Variants in PCSK7 observed in about 807,000 individuals in gnomAD.
The protein encoded by PCSK7 is lymphoma proprotein convertase.
PCSK7 carries 38 observed loss-of-function variants against 73.3 expected under a neutral mutation model. The ratio of observed to expected loss-of-function variants is 0.52; its 90% CI spans 0.40 to 0.68. The LOEUF is 0.68. Ranked by LOEUF, PCSK7 falls within the 30% of genes least tolerant of loss-of-function variation. PCSK7 has a pLI of 0.00. For missense variants in PCSK7, 692 were observed against 991.5 expected, an observed-to-expected ratio of 0.70 and a Z score of 4.06; for synonymous variants, 296 against 383.8, an observed-to-expected ratio of 0.77 and a Z score of 2.68.
chr11:117,231,394 ATT>A (rs1202709030), intron 1 of PCSK7, among the ~76,000 whole-genome samples: 1 of 152,010 alleles, frequency 6.6e-6, no homozygotes. Context: ...GGGAGCCTCA[ATT>A]CTCCCAAGAT....
At chr11:117,221,503 C>T (rs2032188418) in intron 9 of PCSK7, 1 of 152,272 alleles carries the variant, frequency 6.6e-6, no homozygotes, top group Non-Finnish European at 1.5e-5. Flanking sequence ...CATATGCCCC[C>T]AGCCTCTGCC....
intron 1 of PCSK7, among the ~76,000 whole-genome samples, chr11:117,230,936 A>C (rs1000348462): frequency 1.3e-5 from 2 of 152,200 alleles, no homozygotes; most frequent in East Asian, 3.9e-4. Context: ...AGAGAACCTC[A>C]CTAAGCAGCT....
chr11:117,206,906 A>G (rs535990820), intron 15 of PCSK7, 108 bp from the exon 16 acceptor site: 1 of 770,558 alleles, frequency 1.3e-6, no homozygotes, highest in Non-Finnish European at 2.3e-6. Flanking sequence ...GCCCCACAGC[A>G]AAAAGGAGAG....
chr11:117,216,001 C>T (rs1436071290), intron 12 of PCSK7: 1 of 152,110 alleles, frequency 6.6e-6, no homozygotes, highest in Non-Finnish European at 1.5e-5. Context: ...CACCACCACA[C>T]CTGGCTAATT....
rs1362231041 is a variant in PCSK7, at chr11:117,219,774, G to A, written c.1156-16C>T. On this transcript the variant is annotated splice_polypyrimidine_tract_variant and intron_variant, in intron 9 of 16. Coordinates refer to ENST00000320934, the MANE Select transcript of PCSK7 (RefSeq NM_004716.4). The stretch of plus-strand genomic sequence containing the variant: ...CAGTGGTCACCTGGAAGTGAAACAG[G>A]AAAAGGAAGTAGGTTAGAGACTGAG... 2 of 1,565,024 alleles carry A rather than the reference G, an allele frequency of 1.3e-6. No homozygotes were observed. Among genetic ancestry groups the A allele is most frequent in the Admixed American group, 4.0e-5 (2 of 50,224 alleles).
rs1357942245 is a variant in PCSK7 at position 117,218,591 on chromosome 11, G to A, written c.1432-23C>T. ...GATCTATGAAAGGAAAGGAGGGGAT[G>A]GCAAATCAACAAACAAGAATGATCA... is the stretch of plus-strand genomic sequence containing the variant. On this transcript the variant is annotated intron_variant, in intron 11 of 16. Transcript: ENST00000320934. This position sits in a 1 kb window ranked among gnomAD's most constrained non-coding sequence, Gnocchi z 4.0. 1.5e-6 allele frequency: 2 copies of A among 1,338,220 alleles called. No individual in the cohort carries two copies. Among genetic ancestry groups the A allele is most frequent in the Non-Finnish European group, 2.1e-6 (2 of 946,326 alleles). 82.9% of individuals were successfully genotyped at this position (1,338,220 alleles called of 1,614,324 possible).
intron 12 of PCSK7, chr11:117,217,202 G>A (rs1426961668): frequency 2.6e-5 from 4 of 152,160 alleles, no homozygotes; most frequent in East Asian, 1.9e-4. Flanking sequence ...TAGACATTCC[G>A]TGGCAACGTC....
intron 6 of PCSK7, 125 bp from the exon 7 acceptor site, chr11:117,224,880 T>G: frequency 1.3e-6 from 1 of 741,260 alleles, no homozygotes; most frequent in Admixed American, 1.9e-5. Flanking sequence ...AGGGTTCCAC[T>G]TAAAGGCTTC....
At chr11:117,225,798 A>C in intron 6 of PCSK7, 133 bp downstream of exon 6, 5 of 659,462 alleles carry the variant, frequency 7.6e-6, no homozygotes, top group Admixed American at 2.2e-5. Context: ...AAATGAAGGC[A>C]ATGGACTTAT....
chr11:117,227,192 C>G lies in PCSK7; in HGVS notation c.734G>C (p.Cys245Ser). The change falls in exon 5 of 17, where the codon TGT (cysteine) becomes TCT (serine). Residue 245 changes from cysteine to serine, a missense_variant. Physicochemically the swap from Cys to Ser is moderately radical, Grantham distance 112. Coordinates refer to ENST00000320934, the MANE Select transcript of PCSK7 (RefSeq NM_004716.4). ...EIAAVPNNSF[C>S]AVGVAYGSRI... Reference sequence around the variant, plus strand: ...GCTCCCGTAGGCCACGCCCACGGCACAGAAGCTGTTGTTGGGCACAGCCGC... The same window carrying G: ...GCTCCCGTAGGCCACGCCCACGGCAGAGAAGCTGTTGTTGGGCACAGCCGC... The G allele has an allele frequency of 1.9e-6, 3 of 1,610,714 alleles. No homozygotes were observed. Among genetic ancestry groups the G allele is most frequent in the Non-Finnish European group, 2.5e-6 (3 of 1,178,592 alleles).
At chr11:117,219,494 T>C (rs1291278733) in intron 10 of PCSK7, 97 bp downstream of exon 10, 3 of 1,149,182 alleles carry the variant, frequency 2.6e-6, no homozygotes, top group South Asian at 2.8e-5. Context: ...AGAGACTTAG[T>C]ATCTAACATT....
chr11:117,218,812 C>T lies in PCSK7; in HGVS notation c.1432-244G>A. The T allele has an allele frequency of 7.0e-6, 4 of 568,930 alleles. No individual in the cohort carries two copies. The Middle Eastern group carries it at 1.0e-3, about 148-fold the overall frequency. The allele number at this position is 568,930 out of a possible 1,614,324, so 35.2% of individuals were successfully genotyped here. On this transcript the variant is annotated intron_variant, in intron 11 of 16. Transcript: ENST00000320934. The surrounding 1 kb of genome is among the most constrained non-coding windows in gnomAD (Gnocchi z 4.0). ...GGTGGAGGAGGGGAACCAGAGCATC[C>T]TGAGTCCCACACATACTCAGGTCCC...
At position 117,206,149 on chromosome 11, in the gene PCSK7, T is replaced by C. The variant is rs746097946; in HGVS notation, c.2206A>G (p.Thr736Ala). 1.2e-6 allele frequency: 2 copies of C among 1,609,574 alleles called. No homozygotes were observed. The highest frequency in any genetic ancestry group is 2.2e-5 in the East Asian group (1 of 44,796). ...CSSKDPDEVE[T>A]ESRGPPTTSD... ...GTGGTGGGAGGGCCCCTGCTCTCTG[T>C]TTCCACTTCGTCTGGATCCTTGCTG... The change falls in exon 17 of 17, where the codon ACA becomes GCA. Residue 736 changes from threonine (T) to alanine (A), a missense_variant. Thr to Ala is a moderately conservative substitution (Grantham distance 58). Around this residue, in one of 6 missense-constraint regions of PCSK7, gnomAD observed 78 missense variants for 102.6 expected, o/e 0.76. Transcript: ENST00000320934.
chr11:117,225,752 C>T, intron 6 of PCSK7, 179 bp downstream of exon 6: 1 of 623,822 alleles, frequency 1.6e-6, no homozygotes, highest in Non-Finnish European at 2.9e-6. Context: ...GTGACGGGGG[C>T]TTAAGGTTGA....
chr11:117,215,364 T>TTTTTTTTTTTTGTGTG (rs57433360), intron 12 of PCSK7: 16 of 84,900 alleles, frequency 1.9e-4, no homozygotes, highest in Admixed American at 3.6e-4. Flanking sequence ...CCTGGCTAAT[T>TTTTTTTTTTTTGTGTG]TGTGTGTGTG....
chr11:117,228,172 G>A, intron 4 of PCSK7, 44 bp downstream of exon 4: 1 of 1,595,006 alleles, frequency 6.3e-7, no homozygotes, highest in Non-Finnish European at 8.6e-7. Context: ...TCAAGAAGGA[G>A]GTAAGACGTG....
At chr11:117,212,058 C>G (rs2031750609) in intron 12 of PCSK7, 1 of 152,106 alleles carries the variant, frequency 6.6e-6, no homozygotes, top group African/African-American at 2.4e-5. Flanking sequence ...CTTACCTTCC[C>G]AATTGTCCTT....
chr11:117,215,380 G>GTATATATATATATATATATATA, intron 12 of PCSK7: 1 of 55,900 alleles, frequency 1.8e-5, no homozygotes, highest in South Asian at 9.9e-4. Context: ...GTGTGTGTGT[G>GTATATATATATATATATATATA]TATATATATA....
chr11:117,212,608 T>A (rs1289270460), intron 12 of PCSK7: 1 of 152,110 alleles, frequency 6.6e-6, no homozygotes, highest in Non-Finnish European at 1.5e-5. Flanking sequence ...AGACGGGGTT[T>A]CACCATGTTG....
Sources: allele counts gnomAD v4.1 joint callset (sites outside exome capture counted in the v4.1 genomes callset), GRCh38; gene constraint gnomAD v4.1.1; regional missense constraint gnomAD v4.1.1; non-coding constraint Gnocchi (gnomAD v3.1); transcripts MANE v1.5; gene names NCBI Gene and HGNC (gene_info 2026-07-23, HGNC 2026-07-21).